The following SLC10A1 variants were observed in gnomAD, a reference collection of about 807,000 sequenced individuals.
SLC10A1 encodes hepatic sodium/bile acid cotransporter.
A neutral mutation model predicts 20.5 loss-of-function variants in SLC10A1; 36 were observed. The observed-to-expected ratio is 1.75, with a 90% CI of 1.34 to 2.32. The LOEUF (loss-of-function observed/expected upper bound fraction) is 2.32. Ranked by LOEUF, SLC10A1 falls within the 30% of genes most tolerant of loss-of-function variation. The probability of loss-of-function intolerance (pLI) is 0.00; values close to 1 mark genes in which losing one functional copy is unlikely to be tolerated. For synonymous variants in SLC10A1, 188 were observed against 163.6 expected, an observed-to-expected ratio of 1.15 and a Z score of -1.14; for missense variants, 545 against 439.1, an observed-to-expected ratio of 1.24 and a Z score of -2.16.
intron 2 of SLC10A1, among the ~76,000 whole-genome samples, chr14:69,785,487 C>T (rs1883689887): frequency 6.6e-6 from 1 of 152,180 alleles, no homozygotes; most frequent in South Asian, 2.1e-4. Flanking sequence ...TCTTTGACCA[C>T]TCCAGCCCTC....
At chr14:69,789,292 G>C (rs1157280037) in intron 1 of SLC10A1, among the ~76,000 whole-genome samples, 1 of 152,196 alleles carries the variant, frequency 6.6e-6, no homozygotes, top group African/African-American at 2.4e-5. Context: ...TAGGGAACAA[G>C]TAGAAACAAC....
chr14:69,780,594 A>G (rs1351092687), intron 2 of SLC10A1, among the ~76,000 whole-genome samples: 1 of 152,216 alleles, frequency 6.6e-6, no homozygotes, highest in East Asian at 1.9e-4. Context: ...ACATTTTAAC[A>G]TTTATATTGC....
At chr14:69,781,637 T>A (rs552721297) in intron 2 of SLC10A1, among the ~76,000 whole-genome samples, 1 of 152,214 alleles carries the variant, frequency 6.6e-6, no homozygotes, top group South Asian at 2.1e-4. Context: ...AATGCATGAG[T>A]AGAGTGTTGA....
rs368178722 is a variant in SLC10A1 at position 69,796,898 on chromosome 14, C to T, written c.258G>A (p.Lys86=). ...AFVLGKVFRL[K]NIEALAILVC... ...CCAAGATGGCCAGTGCCTCAATGTTCTTCAGCCGGAAGACCTTGCCCAGCA... is the reference window on the plus strand; with the variant it reads ...CCAAGATGGCCAGTGCCTCAATGTTTTTCAGCCGGAAGACCTTGCCCAGCA... The change falls in exon 1 of 5, where the codon AAG becomes AAA. Residue 86 remains lysine (K), a synonymous_variant. Transcript: ENST00000216540. 3.1e-6 allele frequency: 5 copies of T among 1,614,074 alleles called. No individual in the cohort carries two copies. The African/African-American group carries it at 6.7e-5, about 22-fold the overall frequency.
chr14:69,789,915 T>TTG (rs35733530), intron 1 of SLC10A1, among the ~76,000 whole-genome samples: 1 of 60,520 alleles, frequency 1.7e-5, no homozygotes, highest in East Asian at 3.0e-4. Context: ...AAAAATAGGG[T>TTG]TTTTTTTTTT....
rs1883497989 is a variant in SLC10A1 at position 69,778,336 on chromosome 14, TG to T, written c.939del (p.Lys314ArgfsTer6). The T allele has an allele frequency of 6.2e-7, 1 of 1,601,118 alleles. No individual in the cohort carries two copies. Among genetic ancestry groups the T allele is most frequent in the East Asian group, 2.2e-5 (1 of 44,832 alleles). On this transcript the variant is annotated frameshift_variant, in exon 4 of 5. Coordinates refer to ENST00000216540, the MANE Select transcript of SLC10A1 (RefSeq NM_003049.4). LOFTEE classifies it low-confidence loss of function (END_TRUNC). ...IFWCYEKFKT[P>X]KDKTKMIYTA... ...TGGGGATAATTTCAGTACTCACCCT[TG>T]GGAGTCTTGAATTTCTCATAGCACC...
chr14:69,795,555 C>CCACT (rs760871845), intron 1 of SLC10A1, among the ~76,000 whole-genome samples: 108 of 151,904 alleles, frequency 7.1e-4, no homozygotes, highest in Non-Finnish European at 1.1e-3. Context: ...CAGGCATGTG[C>CCACT]CACTATGCCT....
chr14:69,792,190 TAAAG>T (rs373202772), intron 1 of SLC10A1, among the ~76,000 whole-genome samples: 273 of 152,142 alleles, frequency 1.8e-3, no homozygotes, highest in South Asian at 9.8e-3. Flanking sequence ...AAAGATTTCT[TAAAG>T]AAACCCCTAA....
intron 2 of SLC10A1, 59 bp from the exon 3 acceptor site, chr14:69,779,419 T>G: frequency 7.1e-7 from 1 of 1,406,704 alleles, no homozygotes; most frequent in Non-Finnish European, 9.7e-7. Context: ...GGAACAGAGG[T>G]GGGGAAGCAC....
chr14:69,779,317 A>T lies in SLC10A1; in HGVS notation c.611T>A (p.Val204Asp). 6.2e-7 allele frequency: 1 copy of T among 1,614,054 alleles called. No homozygotes were observed. Among genetic ancestry groups the T allele is most frequent in the Non-Finnish European group, 8.5e-7 (1 of 1,179,994 alleles). ...CTTCCCCACATTGATGGCAGAGAGA[A>T]CTGTGACGGCCACACTGCACAAGAG... The part of the protein sequence containing the change: ...IILLCSVAVT[V>D]LSAINVGKSI... The change falls in exon 3 of 5, where the codon GTT (valine) becomes GAT (aspartate). Residue 204 changes from valine to aspartate, a missense_variant. By Grantham distance (152) the Val-to-Asp change is radical. Coordinates refer to ENST00000216540, the MANE Select transcript of SLC10A1 (RefSeq NM_003049.4).
rs991578269 is a variant in SLC10A1, at chr14:69,790,607, T to G, written c.357-4300A>C. ...TTTAATGTTCTTACATAATAAAAAT[T>G]TAGTACACTAGCAACGGAATGAAAA... On this transcript the variant is annotated intron_variant, in intron 1 of 4. Transcript: ENST00000216540. Among the ~76,000 whole-genome samples the G allele has an allele frequency of 1.5e-4, 23 of 152,162 alleles. 1 individual carries two copies. The highest frequency in any genetic ancestry group is 4.1e-4 in the South Asian group (2 of 4,824).
intron 1 of SLC10A1, among the ~76,000 whole-genome samples, chr14:69,788,014 AG>A (rs200245498): frequency 2.6e-4 from 39 of 152,136 alleles, no homozygotes; most frequent in African/African-American, 8.4e-4. Context: ...GAGCTATGTT[AG>A]CGCCACTCCA....
chr14:69,777,296 T>C (rs1026826743), intron 4 of SLC10A1, among the ~76,000 whole-genome samples: 34 of 152,196 alleles, frequency 2.2e-4, no homozygotes, highest in African/African-American at 8.0e-4. Context: ...CTGTACTTGT[T>C]TCGTGTTGGC....
rs1054165400 is a variant in SLC10A1, at chr14:69,776,427, C to A, written c.944-39G>T. 4 of 1,489,712 alleles carry A rather than the reference C, an allele frequency of 2.7e-6. No homozygotes were observed. In the Admixed American group the frequency reaches 5.0e-5, roughly 19 times the overall value. 92.3% of individuals were successfully genotyped at this position (1,489,712 alleles called of 1,614,324 possible). A position where few individuals can be genotyped will look rare whatever the true frequency, so the allele number is the denominator to read the frequency against. On this transcript the variant is annotated intron_variant, in intron 4 of 4. Coordinates refer to ENST00000216540, the MANE Select transcript of SLC10A1 (RefSeq NM_003049.4). ...AAGGGTTACAGGTGTAGAGAGAGAA[C>A]AAGAGGAGTGAACAATGAAGCTTGT...
Position 69,796,961 on chromosome 14 carries a change from C to G in SLC10A1, c.195G>C (p.Leu65=), listed in dbSNP as rs750134733. 1.9e-5 allele frequency: 31 copies of G among 1,614,082 alleles called. No homozygotes were observed. The highest frequency in any genetic ancestry group is 2.4e-5 in the Non-Finnish European group (28 of 1,180,036). Residue 65 remains leucine, a synonymous_variant, in exon 1 of 5, where the codon CTG becomes CTC. Transcript: ENST00000216540. ...GGGGCATGATGCCATACTGTGCCAC[C>G]AGGGCGATGGCCAGCCCTTTAGGCT... is the stretch of plus-strand genomic sequence containing the variant. ...LWKPKGLAIA[L]VAQYGIMPLT... is the part of the protein sequence containing the mutation.
intron 2 of SLC10A1, among the ~76,000 whole-genome samples, chr14:69,781,271 G>C (rs2139712881): frequency 6.6e-6 from 1 of 152,312 alleles, no homozygotes; most frequent in East Asian, 1.9e-4. Context: ...CCTGTCTCCT[G>C]CTGAGACAAG....
chr14:69,797,045 G>A lies in SLC10A1; in HGVS notation c.111C>T (p.Phe37=), dbSNP rs200032457. 1,357 of 1,614,192 alleles carry A rather than the reference G, an allele frequency of 8.4e-4. 24 individuals carry two copies. The South Asian group carries it at 0.014, about 17-fold the overall frequency. The change falls in exon 1 of 5, where the codon TTC becomes TTT. Residue 37 remains phenylalanine, a synonymous_variant. Coordinates refer to ENST00000216540, the MANE Select transcript of SLC10A1 (RefSeq NM_003049.4). ...TGGTGCAGCCCAGCGAGAGCATGAT[G>A]AAGAACAACATGAACACCAGGATGA... ...LSVILVFMLF[F]IMLSLGCTME... is the part of the protein sequence containing the mutation.
At chr14:69,778,024 TG>T (rs1566634182) in intron 4 of SLC10A1, among the ~76,000 whole-genome samples, 1 of 152,144 alleles carries the variant, frequency 6.6e-6, no homozygotes, top group Non-Finnish European at 1.5e-5. Flanking sequence ...TAACCTCAGT[TG>T]TCCAAGGCAG....
At chr14:69,787,094 C>G (rs1344316661) in intron 1 of SLC10A1, among the ~76,000 whole-genome samples, 2 of 152,204 alleles carry the variant, frequency 1.3e-5, no homozygotes, top group Non-Finnish European at 2.9e-5. Context: ...ATAACCTGGT[C>G]AGATTTGCTT....
Sources: gnomAD v4.1 joint callset for allele counts (sites outside exome capture counted in the v4.1 genomes callset) on GRCh38, gnomAD v4.1.1 for gene constraint, MANE v1.5 for transcripts, NCBI Gene and HGNC (gene_info 2026-07-23, HGNC 2026-07-21) for gene names.